The following HIVEP1 variants were observed in gnomAD, a reference collection of about 807,000 sequenced individuals.
The protein encoded by HIVEP1 is HIVEP zinc finger 1.
A neutral mutation model predicts 180.0 loss-of-function variants in HIVEP1; 36 were observed. That is an observed-to-expected ratio of 0.20 (90% CI 0.15 to 0.26). HIVEP1 has a LOEUF of 0.26. Ranked by LOEUF, HIVEP1 falls within the 10% of genes least tolerant of loss-of-function variation. The pLI is 1.00. For missense variants in HIVEP1, 3,143 were observed against 3,268.7 expected, an observed-to-expected ratio of 0.96 and a Z score of 0.94; for synonymous variants, 1,239 against 1,239.0, an observed-to-expected ratio of 1.00 and a Z score of 0.00.
intron 2 of HIVEP1, among the ~76,000 whole-genome samples, chr6:12,042,114 C>G (rs1769780884): frequency 1.3e-5 from 2 of 148,206 alleles, no homozygotes; most frequent in Admixed American, 1.3e-4. Flanking sequence ...GCTCTGTCGC[C>G]AAGGCGGGAC....
chr6:12,041,911 G>C (rs1193826624), intron 2 of HIVEP1, among the ~76,000 whole-genome samples: 4 of 151,762 alleles, frequency 2.6e-5, no homozygotes, highest in Non-Finnish European at 5.9e-5. Flanking sequence ...CGCCCGCCTT[G>C]GCCTCCCAAA....
At chr6:12,056,336 G>A (rs1770868791) in intron 2 of HIVEP1, among the ~76,000 whole-genome samples, 2 of 152,274 alleles carry the variant, frequency 1.3e-5, no homozygotes, top group South Asian at 2.1e-4. Flanking sequence ...TTAAGGAAAA[G>A]TGGAAAGATT....
chr6:12,197,552 C>CAAA, the HIVEP1 span, among the ~76,000 whole-genome samples: 5 of 98,890 alleles, frequency 5.1e-5, no homozygotes, highest in Admixed American at 1.1e-4. Context: ...GAGACTGTCT[C>CAAA]AAAAAAAAAA....
At chr6:12,173,648 A>T in the HIVEP1 span, among the ~76,000 whole-genome samples, 1 of 152,158 alleles carries the variant, frequency 6.6e-6, no homozygotes, top group Admixed American at 6.5e-5. Context: ...TATGATGTCT[A>T]TATATCTGTG....
the HIVEP1 span, among the ~76,000 whole-genome samples, chr6:12,211,306 A>G: frequency 3.0e-5 from 3 of 99,992 alleles, no homozygotes; most frequent in African/African-American, 9.6e-5. Flanking sequence ...AGGCTGAGGC[A>G]GGAGAATGGC....
intron 2 of HIVEP1, among the ~76,000 whole-genome samples, chr6:12,019,696 T>C (rs938308668): frequency 1.3e-5 from 2 of 152,210 alleles, no homozygotes; most frequent in African/African-American, 2.4e-5. Context: ...ACCTGATACT[T>C]TCTCAAATTA....
Position 12,121,350 on chromosome 6 carries a change from A to G in HIVEP1, c.1555A>G (p.Ile519Val), listed in dbSNP as rs377112392. The G allele has an allele frequency of 3.7e-6, 6 of 1,614,048 alleles. No homozygotes were observed. Among genetic ancestry groups the G allele is most frequent in the African/African-American group, 2.7e-5 (2 of 74,926 alleles). Reference sequence around the variant, plus strand: ...CATGGAGCTGCAGCCTGTGCACATAATAAAGAGGATGTCAAATGCTGAAAC... The same window carrying G: ...CATGGAGCTGCAGCCTGTGCACATAGTAAAGAGGATGTCAAATGCTGAAAC... ...GAMELQPVHI[I>V]KRMSNAETLL... The change falls in exon 4 of 9, where the codon ATA becomes GTA. Residue 519 changes from isoleucine (I) to valine (V), a missense_variant. Ile to Val is a conservative substitution (Grantham distance 29). Around this residue, in one of 12 missense-constraint regions of HIVEP1, gnomAD observed 365 missense variants for 344.4 expected, o/e 1.06. Transcript: ENST00000379388. This position sits in a 1 kb window ranked among gnomAD's most constrained non-coding sequence, Gnocchi z 5.3.
Position 12,159,086 on chromosome 6 carries a change from G to A in HIVEP1, c.6488-2353G>A, listed in dbSNP as rs893456505. ...CTGGGGTTCTGTTGTGTCTGCCCTCGGTGACACAAGCTTGTGTCTCCTTAG... is the reference window on the plus strand; with the variant it reads ...CTGGGGTTCTGTTGTGTCTGCCCTCAGTGACACAAGCTTGTGTCTCCTTAG... On this transcript the variant is annotated intron_variant, in intron 7 of 8. Coordinates refer to ENST00000379388, the MANE Select transcript of HIVEP1 (RefSeq NM_002114.4). Among the ~76,000 whole-genome samples, 27 of 152,062 alleles carry A rather than the reference G, an allele frequency of 1.8e-4. 1 individual carries two copies. Among genetic ancestry groups the A allele is most frequent in the Admixed American group, 1.4e-3 (22 of 15,274 alleles).
Position 12,071,380 on chromosome 6 carries a change from T to C in HIVEP1, c.41-17804T>C, listed in dbSNP as rs374853651. 3.5e-3 allele frequency among the ~76,000 whole-genome samples: 530 copies of C among 152,310 alleles called. 10 individuals are homozygous for C. The South Asian group carries it at 0.065, about 19-fold the overall frequency. ...AGAGACTCTGATCGCTCTCCTGATA[T>C]ACTAACTCTTCACCACTCTCCTCTC... On this transcript the variant is annotated intron_variant, in intron 2 of 8. Transcript: ENST00000379388.
chr6:12,049,171 C>G (rs1216266936), intron 2 of HIVEP1, among the ~76,000 whole-genome samples: 1 of 152,094 alleles, frequency 6.6e-6, no homozygotes, highest in African/African-American at 2.4e-5. Flanking sequence ...CAGGAACACC[C>G]TTGAAACAGG....
the HIVEP1 span, among the ~76,000 whole-genome samples, chr6:12,186,778 T>A: frequency 6.6e-6 from 1 of 151,600 alleles, no homozygotes; most frequent in South Asian, 2.1e-4. Context: ...CAGGAGAAAA[T>A]AAGTTGAAAT....
At chr6:12,208,620 A>G in the HIVEP1 span, among the ~76,000 whole-genome samples, 1 of 152,164 alleles carries the variant, frequency 6.6e-6, no homozygotes, top group East Asian at 1.9e-4. Flanking sequence ...CTTTAAAGAG[A>G]TAATTCAGTT....
Position 12,129,241 on chromosome 6 carries a change from GA to G in HIVEP1, c.6076-513del, listed in dbSNP as rs551087200. ...TTTATGATTTAAAATAATGGAGGAAGAAAAAGTAAAATATTGGGAAATGGGG... is the reference window on the plus strand; with the variant it reads ...TTTATGATTTAAAATAATGGAGGAAGAAAAGTAAAATATTGGGAAATGGGG... On this transcript the variant is annotated intron_variant, in intron 4 of 8. Coordinates refer to ENST00000379388, the MANE Select transcript of HIVEP1 (RefSeq NM_002114.4). Among the ~76,000 whole-genome samples the G allele has an allele frequency of 5.6e-4, 86 of 152,282 alleles. 1 individual carries two copies. Among genetic ancestry groups the G allele is most frequent in the Middle Eastern group, 6.8e-3 (2 of 294 alleles).
upstream of HIVEP1, chr6:12,012,089 C>A (rs966634871): frequency 3.4e-5 from 5 of 147,514 alleles, no homozygotes; most frequent in Admixed American, 1.4e-4. Flanking sequence ...GCCCCGGGCC[C>A]CGCGGCCCCA....
intron 2 of HIVEP1, among the ~76,000 whole-genome samples, chr6:12,053,012 G>A (rs993229553): frequency 3.9e-5 from 6 of 152,126 alleles, no homozygotes; most frequent in African/African-American, 1.4e-4. Flanking sequence ...TGTCATTATT[G>A]CAAAGCTGTG....
At chr6:12,118,843 T>A (rs996687743) in intron 3 of HIVEP1, among the ~76,000 whole-genome samples, 1 of 152,252 alleles carries the variant, frequency 6.6e-6, no homozygotes, top group African/African-American at 2.4e-5. Flanking sequence ...TGGTCTGCTC[T>A]AGAAATTATA....
chr6:12,064,354 C>T (rs1421801661), intron 2 of HIVEP1, among the ~76,000 whole-genome samples: 1 of 152,106 alleles, frequency 6.6e-6, no homozygotes, highest in African/African-American at 2.4e-5. Flanking sequence ...AGCAAATAAC[C>T]TCAGCAGGCT....
At chr6:12,132,401 A>G (rs149586144) in intron 6 of HIVEP1, among the ~76,000 whole-genome samples, 132 of 152,314 alleles carry the variant, frequency 8.7e-4, no homozygotes, top group African/African-American at 2.9e-3. Flanking sequence ...ATCAAGATAC[A>G]ATGGGAAATG....
chr6:12,113,577 C>T (rs1775037650), intron 3 of HIVEP1, among the ~76,000 whole-genome samples: 1 of 152,132 alleles, frequency 6.6e-6, no homozygotes. Context: ...TGGTGATGAT[C>T]TGAATGTAGC....
Sources: gnomAD v4.1 joint callset for allele counts (sites outside exome capture counted in the v4.1 genomes callset) on GRCh38, gnomAD v4.1.1 for gene constraint, gnomAD v4.1.1 regional missense constraint, Gnocchi (gnomAD v3.1) non-coding constraint, MANE v1.5 for transcripts, NCBI Gene and HGNC (gene_info 2026-07-23, HGNC 2026-07-21) for gene names.